Variants in SPDYE3 observed in about 807,000 individuals in gnomAD.
The protein encoded by SPDYE3 is speedy protein E3.
Under a neutral mutation model 55.0 loss-of-function variants are expected in SPDYE3, and 15 were observed. That is an observed-to-expected ratio of 0.27 (90% CI 0.18 to 0.42). SPDYE3 has a LOEUF of 0.42. Among genes scored for constraint, SPDYE3 ranks in the 10% least tolerant of loss-of-function variants. SPDYE3 has a pLI of 1.00. For missense variants in SPDYE3, 236 were observed against 576.7 expected, an observed-to-expected ratio of 0.41 and a Z score of 6.05; for synonymous variants, 89 against 229.9, an observed-to-expected ratio of 0.39 and a Z score of 5.55.
In SPDYE3 at chr7:100,319,652, A is replaced by G; in HGVS notation, c.1434A>G (p.Ile478Met). Residue 478 changes from isoleucine (I) to methionine (M), a missense_variant, in exon 9 of 11, where the codon ATA (isoleucine) becomes ATG (methionine). Ile to Met is a conservative substitution (Grantham distance 10). Coordinates refer to ENST00000332397, the MANE Select transcript of SPDYE3 (RefSeq NM_001004351.5). ...YFLYGKTHSH[I>M]PLRPKHWFQL... ...TGTACGGGAAGACCCACTCTCACAT[A>G]CCCTTGCGCCCTAAGCATTGGTTCC... 6.2e-7 allele frequency: 1 copy of G among 1,613,900 alleles called. No individual in the cohort carries two copies. Among genetic ancestry groups the G allele is most frequent in the Non-Finnish European group, 8.5e-7 (1 of 1,179,970 alleles).
chr7:100,319,632 G>A lies in SPDYE3; in HGVS notation c.1414G>A (p.Gly472Arg), dbSNP rs757095118. ...PKQKIFYFLY[G>R]KTHSHIPLRP... ...ACAAAAGATCTTCTACTTCCTGTAC[G>A]GGAAGACCCACTCTCACATACCCTT... is the stretch of plus-strand genomic sequence containing the variant. Residue 472 changes from glycine to arginine, a missense_variant, in exon 9 of 11, where the codon GGG (glycine) becomes AGG (arginine). Gly to Arg is a moderately radical substitution (Grantham distance 125, BLOSUM62 -2). Coordinates refer to ENST00000332397, the MANE Select transcript of SPDYE3 (RefSeq NM_001004351.5). The A allele has an allele frequency of 9.4e-5, 152 of 1,614,104 alleles. No homozygotes were observed. The highest frequency in any genetic ancestry group is 1.6e-4 in the Middle Eastern group (1 of 6,084).
chr7:100,311,132 GA>G (rs1157359261), intron 3 of SPDYE3, among the ~76,000 whole-genome samples: 1 of 103,694 alleles, frequency 9.6e-6, no homozygotes, highest in East Asian at 2.7e-4. Context: ...AAAAGAAGAA[GA>G]AAAAAAAGAA....
intron 7 of SPDYE3, among the ~76,000 whole-genome samples, chr7:100,316,553 G>A (rs932502823): frequency 6.6e-6 from 1 of 152,164 alleles, no homozygotes; most frequent in African/African-American, 2.4e-5. Context: ...CTCTCAAAAA[G>A]TACTGGGATC....
chr7:100,309,897 C>T (rs1308446910), intron 2 of SPDYE3, among the ~76,000 whole-genome samples: 1 of 147,302 alleles, frequency 6.8e-6, no homozygotes, highest in Non-Finnish European at 1.5e-5. Context: ...GAGTTTGAGA[C>T]CAGCCTGGCC....
At position 100,319,922 on chromosome 7, in the gene SPDYE3, T is replaced by C. The variant is rs923089148; in HGVS notation, c.1591-9T>C. On this transcript the variant is annotated splice_polypyrimidine_tract_variant and intron_variant, in intron 9 of 10. Coordinates refer to ENST00000332397, the MANE Select transcript of SPDYE3 (RefSeq NM_001004351.5). Reference sequence around the variant, plus strand: ...TCCCCGTCTTCTCAAAGCGCATTTGTTTTTCCAGATCCAGGCTTATGACCC... The same window carrying C: ...TCCCCGTCTTCTCAAAGCGCATTTGCTTTTCCAGATCCAGGCTTATGACCC... 1.2e-6 allele frequency: 2 copies of C among 1,612,654 alleles called. No homozygotes were observed. The highest frequency in any genetic ancestry group is 3.3e-5 in the Admixed American group (2 of 59,996).
chr7:100,307,788 G>T lies in SPDYE3; in HGVS notation c.-98G>T. 6.9e-7 allele frequency: 1 copy of T among 1,450,954 alleles called. No homozygotes were observed. The allele number at this position is 1,450,954 out of a possible 1,614,324, so 89.9% of individuals were successfully genotyped here. On this transcript the variant is annotated 5_prime_UTR_variant, in exon 1 of 11. Coordinates refer to ENST00000332397, the MANE Select transcript of SPDYE3 (RefSeq NM_001004351.5). Reference sequence around the variant, plus strand: ...CTGACTTCTCCCAGCCTCGAGAATTGATAACACACTCTTCTGGATCCCAGC... The same window carrying T: ...CTGACTTCTCCCAGCCTCGAGAATTTATAACACACTCTTCTGGATCCCAGC...
intron 6 of SPDYE3, 128 bp from the exon 7 acceptor site, chr7:100,315,657 C>T: frequency 1.4e-6 from 2 of 1,453,828 alleles, no homozygotes; most frequent in South Asian, 2.3e-5. Flanking sequence ...CTCCCCTCTC[C>T]CATCCACCTC....
rs1805971927 is a variant in SPDYE3, at chr7:100,311,939, A to C, written c.734A>C (p.Glu245Ala). The C allele has an allele frequency of 1.6e-6, 1 of 639,150 alleles. No individual in the cohort carries two copies. Among genetic ancestry groups the C allele is most frequent in the Admixed American group, 3.0e-5 (1 of 33,018 alleles). 39.6% of individuals were successfully genotyped at this position (639,150 alleles called of 1,614,324 possible). Residue 245 changes from glutamate to alanine, a missense_variant, in exon 4 of 11, where the codon GAG becomes GCG. Transcript: ENST00000332397. ...KRRRVSLVLP[E>A]YYEAFNRLLA... ...CGGCGAGTGTCGCTCGTGCTCCCTG[A>C]GTACTACGAGGCCTTCAACAGGCTG...
At chr7:100,320,578 C>T in intron 10 of SPDYE3, 2 of 984,714 alleles carry the variant, frequency 2.0e-6, no homozygotes, top group Non-Finnish European at 2.6e-6. Flanking sequence ...AAGACCCTAG[C>T]TGTGATGAAG....
intron 7 of SPDYE3, among the ~76,000 whole-genome samples, chr7:100,316,105 G>C (rs1411200526): frequency 1.2e-4 from 19 of 152,092 alleles, no homozygotes; most frequent in African/African-American, 4.6e-4. Context: ...CAAGCAGCTG[G>C]GATTACAAAC....
At chr7:100,320,388 C>T (rs1789553881) in intron 10 of SPDYE3, 7 of 1,072,704 alleles carry the variant, frequency 6.5e-6, no homozygotes, top group Admixed American at 4.1e-5. Context: ...CGATTTGGGT[C>T]GAGGGTTCAG....
chr7:100,309,593 T>A (rs1805911299), intron 2 of SPDYE3, among the ~76,000 whole-genome samples: 1 of 136,994 alleles, frequency 7.3e-6, no homozygotes, highest in Admixed American at 7.2e-5. Flanking sequence ...CAGTAGCTCA[T>A]GCCTGTAGTT....
At chr7:100,315,114 C>T (rs1224143062) in intron 6 of SPDYE3, among the ~76,000 whole-genome samples, 2 of 151,164 alleles carry the variant, frequency 1.3e-5, no homozygotes, top group East Asian at 3.9e-4. Flanking sequence ...CAAAACTCTG[C>T]GTCAAAAGAA....
rs1789545263 is a variant in SPDYE3, at chr7:100,320,130, A to G, written c.*45+95A>G. 1.9e-6 allele frequency: 3 copies of G among 1,553,250 alleles called. No individual in the cohort carries two copies. In the East Asian group the frequency reaches 7.0e-5, roughly 36 times the overall value. On this transcript the variant is annotated intron_variant, in intron 10 of 10. Coordinates refer to ENST00000332397, the MANE Select transcript of SPDYE3 (RefSeq NM_001004351.5). ...GCTTGATCTGGCTTCAAGCCTCGGC[A>G]ACGTGGCGAGATATCCCCTCTCCAC...
At position 100,316,269 on chromosome 7, in the gene SPDYE3, C is replaced by T. The variant is rs567487302; in HGVS notation, c.1260+426C>T. ...TACAGACGTCAGCACTGTGTCCGAC[C>T]AGCTCCCATGGTCTTGAGTCTTGGC... is the stretch of plus-strand genomic sequence containing the variant. On this transcript the variant is annotated intron_variant, in intron 7 of 10. Transcript: ENST00000332397. 9.9e-4 allele frequency among the ~76,000 whole-genome samples: 151 copies of T among 152,292 alleles called. 1 individual carries two copies. In the South Asian group the frequency reaches 0.029, roughly 29 times the overall value.
At chr7:100,308,443 T>A (rs1805880991) in intron 1 of SPDYE3, among the ~76,000 whole-genome samples, 1 of 151,142 alleles carries the variant, frequency 6.6e-6, no homozygotes, top group South Asian at 2.1e-4. Flanking sequence ...GTGCAGTGGC[T>A]CACACCTGTA....
At chr7:100,308,701 T>A (rs1805886660) in intron 1 of SPDYE3, among the ~76,000 whole-genome samples, 2 of 149,738 alleles carry the variant, frequency 1.3e-5, no homozygotes, top group African/African-American at 4.9e-5. Context: ...AAAGCAAGAT[T>A]CTGTCTCGAA....
At chr7:100,320,692 T>C (rs1789562512) in intron 10 of SPDYE3, 199 bp from the exon 11 acceptor site, 14 of 1,076,670 alleles carry the variant, frequency 1.3e-5, no homozygotes, top group Non-Finnish European at 1.6e-5. Context: ...GTATTAAGTT[T>C]TGGAGTCAGG....
rs756796636 is a variant in SPDYE3, at chr7:100,307,954, C to A, written c.69C>A (p.Leu23=). The change falls in exon 1 of 11, where the codon CTC becomes CTA. Residue 23 remains leucine (L), a synonymous_variant. Transcript: ENST00000332397. ...SPQRSTSGYP[L]QEVVDDEVSG... The stretch of plus-strand genomic sequence containing the variant: ...AGCGGAGCACCTCAGGGTACCCCCT[C>A]CAGGAGGTGGTGGATGATGAAGTGT... 2.2e-5 allele frequency: 34 copies of A among 1,569,234 alleles called. No homozygotes were observed. Among genetic ancestry groups the A allele is most frequent in the Non-Finnish European group, 2.3e-5 (27 of 1,166,208 alleles).
Sources: allele counts gnomAD v4.1 joint callset (sites outside exome capture counted in the v4.1 genomes callset), GRCh38; gene constraint gnomAD v4.1.1; transcripts MANE v1.5; gene names NCBI Gene and HGNC (gene_info 2026-07-23, HGNC 2026-07-21).